The following NTM variants were observed in gnomAD, a reference collection of about 807,000 sequenced individuals.
NTM encodes the protein neurotrimin.
A neutral mutation model predicts 42.1 loss-of-function variants in NTM; 13 were observed. The ratio of observed to expected loss-of-function variants is 0.31; its 90% CI spans 0.20 to 0.49. The LOEUF is 0.49. Ranked by LOEUF, NTM falls within the 20% of genes least tolerant of loss-of-function variation. NTM has a pLI of 0.99. For missense variants in NTM, 373 were observed against 452.8 expected (o/e 0.82, Z 1.60); for synonymous variants, 187 against 179.2 (o/e 1.04, Z -0.35).
At chr11:132,072,375 A>G (rs1483248505) in intron 2 of NTM, among the ~76,000 whole-genome samples, 3 of 152,194 alleles carry the variant, frequency 2.0e-5, no homozygotes, top group South Asian at 4.1e-4. Context: ...GGAAATGTGT[A>G]ATTAGGAGTC....
In NTM at chr11:131,563,773, A is replaced by G. The variant is rs190270519; in HGVS notation, c.82+192885A>G. ...ACAATGGCCTGTGCTTTTTATGGTG[A>G]TAAAAATAGTGCAAGGCATTGGTGG... On this transcript the variant is annotated intron_variant, in intron 1 of 8. Coordinates refer to ENST00000683400, the MANE Select transcript of NTM (RefSeq NM_001352005.2). 3.2e-3 allele frequency among the ~76,000 whole-genome samples: 480 copies of G among 152,160 alleles called. 3 individuals carry two copies. The highest frequency in any genetic ancestry group is 0.011 in the African/African-American group (459 of 41,522).
At chr11:132,077,688 G>T (rs149799122) in intron 2 of NTM, among the ~76,000 whole-genome samples, 1 of 152,352 alleles carries the variant, frequency 6.6e-6, no homozygotes, top group Non-Finnish European at 1.5e-5. Context: ...TTACCAGACA[G>T]TGGTCTCAAA....
chr11:132,329,231 G>T (rs1165682082), intron 7 of NTM, among the ~76,000 whole-genome samples: 2 of 152,182 alleles, frequency 1.3e-5, no homozygotes, highest in African/African-American at 4.8e-5. Flanking sequence ...GATGCAAAAA[G>T]CTTTAGTGCC....
chr11:131,711,407 A>G (rs1565456049), intron 1 of NTM, among the ~76,000 whole-genome samples: 1 of 152,258 alleles, frequency 6.6e-6, no homozygotes, highest in Non-Finnish European at 1.5e-5. Flanking sequence ...CTATCAGAGA[A>G]ATGCAAATCA....
At chr11:132,320,857 G>C (rs928153381) in intron 7 of NTM, among the ~76,000 whole-genome samples, 46 of 151,562 alleles carry the variant, frequency 3.0e-4, no homozygotes, top group Non-Finnish European at 5.9e-4. Flanking sequence ...TCCTCAAGTG[G>C]GTCCCTGACC....
chr11:131,759,225 A>G lies in NTM; in HGVS notation c.83-152339A>G, dbSNP rs540781220. ...CTTACTGTGCTCTCCATACTCTGGTACTGTTCACAGGCATATTTATAAGAC... is the reference window on the plus strand; with the variant it reads ...CTTACTGTGCTCTCCATACTCTGGTGCTGTTCACAGGCATATTTATAAGAC... On this transcript the variant is annotated intron_variant, in intron 1 of 8. Transcript: ENST00000683400. Among the ~76,000 whole-genome samples, 4 of 152,288 alleles carry G rather than the reference A, an allele frequency of 2.6e-5. No homozygotes were observed. In the South Asian group the frequency reaches 8.3e-4, roughly 32 times the overall value.
intron 1 of NTM, among the ~76,000 whole-genome samples, chr11:131,568,196 A>G (rs73580271): frequency 0.014 from 2,098 of 152,340 alleles, 52 homozygotes; most frequent in African/African-American, 0.047. Flanking sequence ...ATAAACAGTA[A>G]ACAAAAAAGA....
intron 2 of NTM, among the ~76,000 whole-genome samples, chr11:132,047,059 T>C (rs1320780193): frequency 6.6e-6 from 1 of 152,214 alleles, no homozygotes. Flanking sequence ...TTCATGGTCA[T>C]ATGGTGACTG....
At chr11:131,891,186 T>A (rs2051272735) in intron 1 of NTM, among the ~76,000 whole-genome samples, 1 of 152,182 alleles carries the variant, frequency 6.6e-6, no homozygotes, top group South Asian at 2.1e-4. Context: ...GACACCCAAC[T>A]ATATCAGAAG....
At chr11:131,389,626 G>A (rs1033060347) in intron 1 of NTM, among the ~76,000 whole-genome samples, 15 of 152,112 alleles carry the variant, frequency 9.9e-5, no homozygotes, top group African/African-American at 3.4e-4. Flanking sequence ...AGCAGTTTTC[G>A]GCTTATTTTC....
intron 3 of NTM, among the ~76,000 whole-genome samples, chr11:132,198,108 C>T (rs903613187): frequency 6.6e-6 from 1 of 152,170 alleles, no homozygotes; most frequent in Non-Finnish European, 1.5e-5. Context: ...AGTTTACGAT[C>T]CCACCAACAG....
intron 1 of NTM, among the ~76,000 whole-genome samples, chr11:131,888,387 G>T (rs1237055664): frequency 6.6e-6 from 1 of 152,114 alleles, no homozygotes; most frequent in Non-Finnish European, 1.5e-5. Context: ...GAAATGCGTC[G>T]TTCATTCCCC....
At chr11:131,853,341 C>T (rs903350780) in intron 1 of NTM, among the ~76,000 whole-genome samples, 3 of 152,092 alleles carry the variant, frequency 2.0e-5, no homozygotes, top group Non-Finnish European at 4.4e-5. Flanking sequence ...TCCCATCACC[C>T]AGGTATTAAC....
chr11:132,124,465 G>A (rs1057460276), intron 2 of NTM, among the ~76,000 whole-genome samples: 3 of 152,230 alleles, frequency 2.0e-5, no homozygotes, highest in Non-Finnish European at 4.4e-5. Context: ...CTTCACGAAA[G>A]TACTTCTCTT....
rs142757763 is a variant in NTM at position 131,518,398 on chromosome 11, G to T, written c.82+147510G>T. Among the ~76,000 whole-genome samples, 1,251 of 152,254 alleles carry T rather than the reference G, an allele frequency of 8.2e-3. 21 individuals are homozygous for T. Among genetic ancestry groups the T allele is most frequent in the African/African-American group, 0.029 (1,188 of 41,532 alleles). On this transcript the variant is annotated intron_variant, in intron 1 of 8. Coordinates refer to ENST00000683400, the MANE Select transcript of NTM (RefSeq NM_001352005.2). ...TCTGCACGTGGGCTGTAGTTCAGAAGTCCTTTTTTTAAGCTGAGTACTTAG... is the reference window on the plus strand; with the variant it reads ...TCTGCACGTGGGCTGTAGTTCAGAATTCCTTTTTTTAAGCTGAGTACTTAG...
chr11:132,306,791 C>T (rs1409963805), intron 4 of NTM, among the ~76,000 whole-genome samples: 1 of 152,136 alleles, frequency 6.6e-6, no homozygotes, highest in Non-Finnish European at 1.5e-5. Context: ...TTTTGTTTTT[C>T]ATTGTCTTTT....
chr11:131,670,748 G>A lies in NTM; in HGVS notation c.83-240816G>A, dbSNP rs889865517. ...ACTGGGTCAGGGAGGTTCATTTCTC[G>A]ACATGGATGCTGTCCGAGAGGCGTA... On this transcript the variant is annotated intron_variant, in intron 1 of 8. Coordinates refer to ENST00000683400, the MANE Select transcript of NTM (RefSeq NM_001352005.2). 1.2e-4 allele frequency among the ~76,000 whole-genome samples: 19 copies of A among 152,154 alleles called. No individual in the cohort carries two copies. The South Asian group carries it at 2.7e-3, about 22-fold the overall frequency.
At chr11:131,777,117 A>C in intron 1 of NTM, 4 of 911,550 alleles carry the variant, frequency 4.4e-6, no homozygotes, top group Non-Finnish European at 5.2e-6. Flanking sequence ...TGAAGGAAGT[A>C]CTCAGTGTAT....
At chr11:131,524,042 C>G (rs985096020) in intron 1 of NTM, among the ~76,000 whole-genome samples, 3 of 152,158 alleles carry the variant, frequency 2.0e-5, no homozygotes, top group African/African-American at 7.2e-5. Flanking sequence ...TAGTTAGCTT[C>G]TGTTGTGTAA....
Sources: gnomAD v4.1 joint callset for allele counts (sites outside exome capture counted in the v4.1 genomes callset) on GRCh38, gnomAD v4.1.1 for gene constraint, MANE v1.5 for transcripts, NCBI Gene and HGNC (gene_info 2026-07-23, HGNC 2026-07-21) for gene names.